Variants in SAMSN1 observed in about 807,000 individuals in gnomAD.
SAMSN1 encodes SAM domain, SH3 domain and nuclear localization signals 1.
SAMSN1 carries 31 observed loss-of-function variants against 42.0 expected under a neutral mutation model. The observed-to-expected ratio is 0.74, with a 90% CI of 0.55 to 1.00. The LOEUF is 1.00. Among genes scored for constraint, SAMSN1 ranks in the 50% least tolerant of loss-of-function variants. The pLI is 0.00. For missense variants in SAMSN1, 464 were observed against 439.4 expected, an observed-to-expected ratio of 1.06 and a Z score of -0.50; for synonymous variants, 178 against 151.9, an observed-to-expected ratio of 1.17 and a Z score of -1.26.
intron 2 of SAMSN1, among the ~76,000 whole-genome samples, chr21:14,620,358 T>TCAGC (rs1568833566): frequency 9.2e-5 from 14 of 152,160 alleles, no homozygotes; most frequent in Admixed American, 2.0e-4. Flanking sequence ...CATAAGTGGT[T>TCAGC]AACAGTTCCT....
At position 14,500,535 on chromosome 21, in the gene SAMSN1, A is replaced by G. The variant is rs1180951642; in HGVS notation, c.762T>C (p.His254=). 1 of 1,613,908 alleles carries G rather than the reference A, an allele frequency of 6.2e-7. No homozygotes were observed. Among genetic ancestry groups the G allele is most frequent in the Non-Finnish European group, 8.5e-7 (1 of 1,179,812 alleles). Residue 254 remains histidine, a synonymous_variant, in exon 6 of 8, where the codon CAT becomes CAC. Coordinates refer to ENST00000400566, the MANE Select transcript of SAMSN1 (RefSeq NM_022136.5). The part of the protein sequence containing the change: ...KTLQEFLERI[H]LQEYTSTLLL... ...AGAACACAGATTTGCTCACCTGCAG[A>G]TGAATCCTCTCTAGGAACTCCTGCA...
At chr21:14,578,680 C>CAAAAA (rs769354531) in intron 2 of SAMSN1, among the ~76,000 whole-genome samples, 8 of 63,720 alleles carry the variant, frequency 1.3e-4, no homozygotes, top group Admixed American at 2.1e-4. Context: ...GAGAATCCAT[C>CAAAAA]AAAAAAAAAA....
chr21:14,550,198 G>T (rs866142217), upstream of SAMSN1, among the ~76,000 whole-genome samples: 3 of 152,040 alleles, frequency 2.0e-5, no homozygotes, highest in African/African-American at 7.2e-5. Flanking sequence ...TTAAGGAAGT[G>T]GGGGGACCGT....
chr21:14,546,076 T>C, intron 1 of SAMSN1, 129 bp downstream of exon 1: 2 of 720,544 alleles, frequency 2.8e-6, no homozygotes, highest in East Asian at 2.8e-5. Context: ...GTATTTGCCA[T>C]GAGGCATTAA....
chr21:14,658,989 A>G (rs956857032), upstream of SAMSN1, among the ~76,000 whole-genome samples: 4 of 152,008 alleles, frequency 2.6e-5, no homozygotes, highest in African/African-American at 9.7e-5. Flanking sequence ...CTGATGCATA[A>G]CATGAGAGAA....
chr21:14,656,105 G>T (rs978426800), intron 1 of SAMSN1, among the ~76,000 whole-genome samples: 2 of 151,854 alleles, frequency 1.3e-5, no homozygotes, highest in East Asian at 3.9e-4. Flanking sequence ...TGGATGAAAA[G>T]ACCTAGCACC....
intron 2 of SAMSN1, among the ~76,000 whole-genome samples, chr21:14,619,975 G>C (rs943428608): frequency 6.7e-6 from 1 of 149,358 alleles, no homozygotes; most frequent in South Asian, 2.1e-4. Context: ...GAGAAGGGGA[G>C]AGTAATTCAG....
exon 1 of SAMSN1, chr21:14,658,767 T>G (rs1403455508): frequency 1.4e-6 from 1 of 715,558 alleles, no homozygotes; most frequent in Middle Eastern, 2.3e-4. Context: ...GCAGAAAAGA[T>G]TCATTTTGAC....
intron 7 of SAMSN1, chr21:14,593,759 T>C (rs1006108993): frequency 3.4e-6 from 1 of 294,298 alleles, no homozygotes; most frequent in African/African-American, 2.2e-5. Context: ...TCAGGAAAAA[T>C]TGCTAAATTT....
At chr21:14,486,215 C>T (rs1986429326) in intron 7 of SAMSN1, 101 bp from the exon 8 acceptor site, 4 of 777,958 alleles carry the variant, frequency 5.1e-6, no homozygotes, top group Non-Finnish European at 6.4e-6. Flanking sequence ...ACTGTTCTAA[C>T]CATGACTTCA....
At chr21:14,550,959 G>T (rs575158666), upstream of SAMSN1, among the ~76,000 whole-genome samples, 5 of 152,196 alleles carry the variant, frequency 3.3e-5, no homozygotes, top group South Asian at 1.0e-3. Flanking sequence ...ATGCATAAAT[G>T]ATGATTTGGC....
intron 1 of SAMSN1, among the ~76,000 whole-genome samples, chr21:14,540,861 T>A (rs966772948): frequency 6.6e-6 from 1 of 152,136 alleles, no homozygotes; most frequent in African/African-American, 2.4e-5. Flanking sequence ...CTGTTCACAA[T>A]AGCAAAGACT....
intron 1 of SAMSN1, among the ~76,000 whole-genome samples, chr21:14,535,237 C>T (rs1227950863): frequency 6.6e-6 from 1 of 152,136 alleles, no homozygotes; most frequent in African/African-American, 2.4e-5. Flanking sequence ...AGCCAGAAAG[C>T]ATGGGTCAAG....
intron 2 of SAMSN1, among the ~76,000 whole-genome samples, chr21:14,577,238 G>GTATATATATATATA (rs767931839): frequency 3.9e-4 from 11 of 28,178 alleles, no homozygotes; most frequent in Non-Finnish European, 5.8e-4. Flanking sequence ...ATATATGTGT[G>GTATATATATATATA]TATATATATA....
chr21:14,586,517 A>G (rs994282045), upstream of SAMSN1, among the ~76,000 whole-genome samples: 2 of 152,160 alleles, frequency 1.3e-5, no homozygotes, highest in Admixed American at 6.6e-5. Context: ...ACTATCTCAC[A>G]TTCTGGGGAT....
intron 3 of SAMSN1, among the ~76,000 whole-genome samples, chr21:14,513,760 C>T (rs1392766178): frequency 6.6e-6 from 1 of 152,100 alleles, no homozygotes. Flanking sequence ...TTATGTGAAG[C>T]TTTGGAGACA....
At chr21:14,505,567 G>A (rs1157739187) in intron 5 of SAMSN1, among the ~76,000 whole-genome samples, 2 of 152,184 alleles carry the variant, frequency 1.3e-5, no homozygotes, top group Non-Finnish European at 2.9e-5. Flanking sequence ...AAACATGTAT[G>A]CACCTAACAC....
chr21:14,646,780 T>A lies in SAMSN1; in HGVS notation c.25-3647A>T, dbSNP rs183028626. Reference sequence around the variant, plus strand: ...AAGTTAAAAAGCAGGGAGACAAAGTTAATGTATAGAGTTTTAATTAGTTTT... The same window carrying A: ...AAGTTAAAAAGCAGGGAGACAAAGTAAATGTATAGAGTTTTAATTAGTTTT... On this transcript the variant is annotated intron_variant, in intron 1 of 15. Coordinates refer to the SAMSN1 transcript ENST00000647101. Among the ~76,000 whole-genome samples the A allele has an allele frequency of 2.2e-4, 33 of 152,328 alleles. No individual in the cohort carries two copies. In the East Asian group the frequency reaches 5.8e-3, roughly 27 times the overall value.
At chr21:14,561,177 AC>A (rs1201189915) in intron 2 of SAMSN1, among the ~76,000 whole-genome samples, 5 of 152,112 alleles carry the variant, frequency 3.3e-5, no homozygotes, top group Non-Finnish European at 5.9e-5. Flanking sequence ...TCATGACTCA[AC>A]TGGTCATGTG....
Sources: gnomAD v4.1 joint callset for allele counts (sites outside exome capture counted in the v4.1 genomes callset) on GRCh38, gnomAD v4.1.1 for gene constraint, MANE v1.5 for transcripts, NCBI Gene and HGNC (gene_info 2026-07-23, HGNC 2026-07-21) for gene names.